The following SLC22A24 variants were observed in gnomAD, a reference collection of about 807,000 sequenced individuals.
SLC22A24 encodes steroid transmembrane transporter SLC22A24.
In SLC22A24, 53 loss-of-function variants were observed where a neutral mutation model predicts 49.8. The ratio of observed to expected loss-of-function variants is 1.06; its 90% CI spans 0.85 to 1.34. The LOEUF is 1.34. Among genes scored for constraint, SLC22A24 ranks in the 40% most tolerant of loss-of-function variants. SLC22A24 has a pLI of 0.00. For missense variants in SLC22A24, 786 were observed against 675.9 expected (o/e 1.16, Z -1.81); for synonymous variants, 302 against 256.4 (o/e 1.18, Z -1.70).
rs1051496949 is a variant in SLC22A24 at position 63,128,864 on chromosome 11, C to A, written c.506+5801G>T. Among the ~76,000 whole-genome samples, 80 of 152,184 alleles carry A rather than the reference C, an allele frequency of 5.3e-4. 1 individual carries two copies. The highest frequency in any genetic ancestry group is 1.8e-3 in the African/African-American group (74 of 41,536). ...TCTCCGCGTCTTGGTGGTAGTGGTCCCCCAGGCACAGCTGTCTTTTCTTTT... is the reference window on the plus strand; with the variant it reads ...TCTCCGCGTCTTGGTGGTAGTGGTCACCCAGGCACAGCTGTCTTTTCTTTT... On this transcript the variant is annotated intron_variant, in intron 2 of 9. Transcript: ENST00000612278.
chr11:63,098,424 T>A (rs2087068765), intron 5 of SLC22A24, among the ~76,000 whole-genome samples: 1 of 152,122 alleles, frequency 6.6e-6, no homozygotes, highest in African/African-American at 2.4e-5. Context: ...ATCTCAGCAC[T>A]TGGGAGGCCA....
chr11:63,100,990 G>T (rs909174396), intron 5 of SLC22A24, among the ~76,000 whole-genome samples: 2 of 152,068 alleles, frequency 1.3e-5, no homozygotes, highest in African/African-American at 2.4e-5. Flanking sequence ...TCTGGGCAAA[G>T]ATTTCTTGAG....
Position 63,143,459 on chromosome 11 carries a change from G to A in SLC22A24, c.321C>T (p.Asn107=). Residue 107 remains asparagine, a synonymous_variant, in exon 1 of 10, where the codon AAC becomes AAT. Coordinates refer to ENST00000612278, the MANE Select transcript of SLC22A24 (RefSeq NM_001136506.2). ...AGGGCTCCGTGTCTGGCTCATTTGTGTTGGGGAAGGTCCCGTTCAGGTGAA... is the reference window on the plus strand; with the variant it reads ...AGGGCTCCGTGTCTGGCTCATTTGTATTGGGGAAGGTCCCGTTCAGGTGAA... ...QLLHLNGTFP[N]TNEPDTEPCV... is the part of the protein sequence containing the mutation. The A allele has an allele frequency of 6.3e-7, 1 of 1,591,156 alleles. No homozygotes were observed. Among genetic ancestry groups the A allele is most frequent in the South Asian group, 1.1e-5 (1 of 87,116 alleles).
intron 4 of SLC22A24, among the ~76,000 whole-genome samples, chr11:63,117,642 C>T (rs542326797): frequency 1.6e-4 from 24 of 152,266 alleles, no homozygotes; most frequent in African/African-American, 4.6e-4. Flanking sequence ...TATGATAATC[C>T]ATTTCCACTT....
intron 4 of SLC22A24, among the ~76,000 whole-genome samples, chr11:63,111,004 T>C (rs1298784987): frequency 2.0e-5 from 3 of 152,202 alleles, no homozygotes; most frequent in African/African-American, 7.2e-5. Context: ...ATAGCTCTTA[T>C]TATTTTGAAA....
At chr11:63,138,980 T>C (rs752079225) in intron 1 of SLC22A24, among the ~76,000 whole-genome samples, 8 of 152,308 alleles carry the variant, frequency 5.3e-5, no homozygotes, top group South Asian at 2.1e-4. Context: ...TTTGGTAAAG[T>C]TTAGAAATAT....
At chr11:63,138,626 A>C (rs2087392133) in intron 1 of SLC22A24, among the ~76,000 whole-genome samples, 1 of 141,630 alleles carries the variant, frequency 7.1e-6, no homozygotes, top group East Asian at 2.0e-4. Context: ...TGGGCAACAG[A>C]GCAAGACTCT....
chr11:63,091,824 G>A (rs187029911), intron 6 of SLC22A24, among the ~76,000 whole-genome samples: 218 of 152,216 alleles, frequency 1.4e-3, no homozygotes, highest in African/African-American at 4.8e-3. Flanking sequence ...AAAACTGGAA[G>A]CATTTCCTTT....
intron 4 of SLC22A24, chr11:63,118,588 A>G: frequency 1.9e-6 from 1 of 530,510 alleles, no homozygotes; most frequent in Non-Finnish European, 3.3e-6. Context: ...CAATGACAAA[A>G]GCCCCCAAAT....
At chr11:63,089,569 A>G (rs768686917) in intron 6 of SLC22A24, among the ~76,000 whole-genome samples, 1 of 152,208 alleles carries the variant, frequency 6.6e-6, no homozygotes, top group East Asian at 1.9e-4. Flanking sequence ...ACACATAACA[A>G]TATTAACCTT....
intron 2 of SLC22A24, among the ~76,000 whole-genome samples, chr11:63,124,070 G>A (rs2087271229): frequency 6.6e-6 from 1 of 152,094 alleles, no homozygotes; most frequent in Non-Finnish European, 1.5e-5. Flanking sequence ...GGTGTGGGCT[G>A]AGCTATGTGC....
chr11:63,083,343 AAC>A lies in SLC22A24; in HGVS notation c.1183_1184del (p.Val395PhefsTer49), dbSNP rs1213801239. On this transcript the variant is annotated frameshift_variant, in exon 7 of 10. Transcript: ENST00000612278. LOFTEE classifies it high-confidence loss of function. ...CCATATGATTCAGTGTCAAAAGGGA[AAC>A]ACATCTGGCTGTGAATGTGACAGCT... ...CGAVTFTARC[V>X]SLLTLNHMGR... 1.3e-6 allele frequency: 2 copies of A among 1,555,338 alleles called. No individual in the cohort carries two copies. The highest frequency in any genetic ancestry group is 1.7e-6 in the Non-Finnish European group (2 of 1,148,664).
chr11:63,107,453 T>C (rs2134654644), intron 4 of SLC22A24, among the ~76,000 whole-genome samples: 1 of 152,288 alleles, frequency 6.6e-6, no homozygotes, highest in South Asian at 2.1e-4. Context: ...AAGTAGTTTT[T>C]CCCAATTGTG....
At chr11:63,089,763 C>A (rs1437978240) in intron 6 of SLC22A24, among the ~76,000 whole-genome samples, 1 of 152,066 alleles carries the variant, frequency 6.6e-6, no homozygotes, top group African/African-American at 2.4e-5. Flanking sequence ...ATAAAACAGA[C>A]TTTAAGCCAA....
At chr11:63,115,173 G>A (rs757817668) in intron 4 of SLC22A24, among the ~76,000 whole-genome samples, 1 of 152,226 alleles carries the variant, frequency 6.6e-6, no homozygotes, top group Non-Finnish European at 1.5e-5. Context: ...CCACAGAGGT[G>A]GAATCTAGAA....
chr11:63,134,190 A>C (rs2087357011), intron 2 of SLC22A24, among the ~76,000 whole-genome samples: 1 of 152,146 alleles, frequency 6.6e-6, no homozygotes, highest in Non-Finnish European at 1.5e-5. Flanking sequence ...CTTATGCTGC[A>C]GGTATGAAAT....
intron 4 of SLC22A24, among the ~76,000 whole-genome samples, chr11:63,112,281 A>G (rs1369678031): frequency 2.6e-5 from 4 of 152,246 alleles, no homozygotes; most frequent in African/African-American, 4.8e-5. Context: ...TATGTGGTCA[A>G]TTTTGGAATA....
intron 7 of SLC22A24, 103 bp from the exon 8 acceptor site, chr11:63,081,769 A>G (rs2086961643): frequency 2.6e-6 from 2 of 769,476 alleles, no homozygotes; most frequent in African/African-American, 1.7e-5. Flanking sequence ...AGTGTGAAAT[A>G]TGTGGTAGAC....
intron 4 of SLC22A24, among the ~76,000 whole-genome samples, chr11:63,113,178 A>G (rs1193564086): frequency 1.7e-4 from 1 of 5,734 alleles, no homozygotes; most frequent in African/African-American, 2.4e-4. Flanking sequence ...ATATATATAC[A>G]TATATATATA....
Sources: gnomAD v4.1 joint callset for allele counts (sites outside exome capture counted in the v4.1 genomes callset) on GRCh38, gnomAD v4.1.1 for gene constraint, MANE v1.5 for transcripts, NCBI Gene and HGNC (gene_info 2026-07-23, HGNC 2026-07-21) for gene names.